Variants in MYOM1 observed in about 807,000 individuals in gnomAD.
MYOM1 encodes the protein myomesin 1.
Under a neutral mutation model 205.3 loss-of-function variants are expected in MYOM1, and 164 were observed. The observed-to-expected ratio is 0.80, with a 90% confidence interval of 0.70 to 0.91. The LOEUF is 0.91. MYOM1 is among the 40% of genes least tolerant of loss of function. MYOM1 has a pLI of 0.00. For synonymous variants in MYOM1, 772 were observed against 789.4 expected (o/e 0.98, Z 0.37); for missense variants, 2,011 against 2,127.3 (o/e 0.95, Z 1.08).
chr18:3,136,427 T>C (rs1032336173), intron 14 of MYOM1, among the ~76,000 whole-genome samples: 2 of 152,156 alleles, frequency 1.3e-5, no homozygotes, highest in East Asian at 3.9e-4. Flanking sequence ...AATTAAATTT[T>C]ATTTTATTTT....
At chr18:3,170,918 C>T (rs1402922462) in intron 8 of MYOM1, among the ~76,000 whole-genome samples, 3 of 152,204 alleles carry the variant, frequency 2.0e-5, no homozygotes, top group Non-Finnish European at 4.4e-5. Flanking sequence ...TTTTGTCCCT[C>T]TTCCTAAGAC....
chr18:3,076,266 C>G (rs1201103732), intron 34 of MYOM1, among the ~76,000 whole-genome samples: 1 of 152,096 alleles, frequency 6.6e-6, no homozygotes, highest in Non-Finnish European at 1.5e-5. Flanking sequence ...CGGGGTTTCA[C>G]CATTTTGGGC....
At chr18:3,115,014 C>T (rs117815674) in intron 21 of MYOM1, among the ~76,000 whole-genome samples, 1 of 151,874 alleles carries the variant, frequency 6.6e-6, no homozygotes, top group South Asian at 2.1e-4. Flanking sequence ...TCAGTTCAAA[C>T]CTCAGGCCCT....
At chr18:3,168,460 C>T (rs1205866278) in intron 9 of MYOM1, among the ~76,000 whole-genome samples, 1 of 151,944 alleles carries the variant, frequency 6.6e-6, no homozygotes, top group East Asian at 1.9e-4. Context: ...GGCTAATTTT[C>T]GTATTTTTAG....
chr18:3,239,750 T>C, the MYOM1 span, among the ~76,000 whole-genome samples: 581 of 120,544 alleles, frequency 4.8e-3, 9 homozygotes, highest in African/African-American at 0.02. Context: ...CAGCAACACC[T>C]TGTCTCAAAA....
chr18:3,100,341 T>C lies in MYOM1; in HGVS notation c.3661A>G (p.Ser1221Gly). ...DVTDTDGIAS[S>G]YLIDEEELKR... ...TTACCTTCCTCATCTATTAAGTAGC[T>C]TGATGCTATTCCATCAGTGTCTGTT... is the stretch of plus-strand genomic sequence containing the variant. Residue 1221 changes from serine (S) to glycine (G), a missense_variant, in exon 24 of 38, where the codon AGC becomes GGC. Transcript: ENST00000356443. 1 of 1,613,900 alleles carries C rather than the reference T, an allele frequency of 6.2e-7. No individual in the cohort carries two copies. Among genetic ancestry groups the C allele is most frequent in the Non-Finnish European group, 8.5e-7 (1 of 1,179,794 alleles).
At chr18:3,095,634 G>T (rs1012951001) in intron 25 of MYOM1, among the ~76,000 whole-genome samples, 2 of 152,168 alleles carry the variant, frequency 1.3e-5, no homozygotes, top group African/African-American at 4.8e-5. Flanking sequence ...GTGAATAGTG[G>T]TCTGTGTTCA....
intron 34 of MYOM1, among the ~76,000 whole-genome samples, chr18:3,076,359 C>T (rs950221823): frequency 1.3e-5 from 2 of 152,286 alleles, no homozygotes; most frequent in East Asian, 1.9e-4. Context: ...TGAGCCACTG[C>T]GCCCAGCCAT....
rs756011478 is a variant in MYOM1 at position 3,090,800 on chromosome 18, T to C, written c.3867A>G (p.Lys1289=). 6.2e-7 allele frequency: 1 copy of C among 1,613,908 alleles called. No individual in the cohort carries two copies. Among genetic ancestry groups the C allele is most frequent in the Admixed American group, 1.7e-5 (1 of 60,010 alleles). The part of the protein sequence containing the change: ...FNEKEIFEGP[K]YKMHIDRNTG... The stretch of plus-strand genomic sequence containing the variant: ...TGTTTCGGTCAATATGCATTTTATA[T>C]TTCTTCAGTGTGAAAAGAAAATGAC... Residue 1289 remains lysine, a splice_region_variant and synonymous_variant, in exon 27 of 38, where the codon AAA becomes AAG. Coordinates refer to ENST00000356443, the MANE Select transcript of MYOM1 (RefSeq NM_003803.4).
At chr18:3,138,539 T>G (rs2080004136) in intron 14 of MYOM1, among the ~76,000 whole-genome samples, 1 of 152,204 alleles carries the variant, frequency 6.6e-6, no homozygotes, top group South Asian at 2.1e-4. Context: ...TTCCTTGCAG[T>G]GTTTTTTATG....
chr18:3,088,267 G>A (rs942463041), intron 29 of MYOM1, among the ~76,000 whole-genome samples: 5 of 152,164 alleles, frequency 3.3e-5, no homozygotes, highest in South Asian at 4.1e-4. Context: ...GAGGGGCCAC[G>A]CAAATGAAGA....
chr18:3,183,117 CAG>C (rs764577130), intron 5 of MYOM1, among the ~76,000 whole-genome samples: 1 of 152,054 alleles, frequency 6.6e-6, no homozygotes, highest in East Asian at 1.9e-4. Flanking sequence ...TTAGTAGAGA[CAG>C]GGTCTCTCCA....
chr18:3,116,936 A>G (rs943731101), intron 20 of MYOM1, among the ~76,000 whole-genome samples: 1 of 152,152 alleles, frequency 6.6e-6, no homozygotes, highest in Non-Finnish European at 1.5e-5. Flanking sequence ...AGCTCACTGT[A>G]ACCTCGAGCT....
intron 5 of MYOM1, among the ~76,000 whole-genome samples, chr18:3,186,110 T>A (rs1477350333): frequency 6.6e-6 from 1 of 151,926 alleles, no homozygotes; most frequent in Non-Finnish European, 1.5e-5. Flanking sequence ...GCAGGAGAAT[T>A]GCTTGAACCC....
At chr18:3,166,277 T>TTA (rs1555625815) in intron 9 of MYOM1, among the ~76,000 whole-genome samples, 12 of 145,952 alleles carry the variant, frequency 8.2e-5, no homozygotes, top group South Asian at 4.4e-4. Flanking sequence ...TTTTTTTTTT[T>TTA]TTTTTTTATT....
At position 3,100,192 on chromosome 18, in the gene MYOM1, A is replaced by AAAG; in HGVS notation, c.3693_3694insCTT (p.Leu1233dup). 1 of 1,613,976 alleles carries AAAG rather than the reference A, an allele frequency of 6.2e-7. No homozygotes were observed. The highest frequency in any genetic ancestry group is 8.5e-7 in the Non-Finnish European group (1 of 1,179,880). On this transcript the variant is annotated inframe_insertion, in exon 25 of 38. Transcript: ENST00000356443. ...TTGTGTTCATGGCTGAGAGCAAGTAAACGTTTCAATTCTGTAGGGGGAAAA... is the reference window on the plus strand; with the variant it reads ...TTGTGTTCATGGCTGAGAGCAAGTAAAAGACGTTTCAATTCTGTAGGGGGAAAA...
intron 17 of MYOM1, among the ~76,000 whole-genome samples, chr18:3,130,887 A>C (rs1598705069): frequency 1.3e-5 from 2 of 152,370 alleles, no homozygotes; most frequent in Admixed American, 6.5e-5. Flanking sequence ...CTTTGCAAGC[A>C]AAGATGAAAC....
intron 5 of MYOM1, 42 bp downstream of exon 5, chr18:3,187,438 T>C (rs768690831): frequency 6.3e-7 from 1 of 1,596,022 alleles, no homozygotes; most frequent in South Asian, 1.1e-5. Flanking sequence ...CGAACTTAAC[T>C]TGGTGTAATG....
At chr18:3,196,670 C>A (rs549189072) in intron 2 of MYOM1, among the ~76,000 whole-genome samples, 43 of 152,258 alleles carry the variant, frequency 2.8e-4, no homozygotes, top group African/African-American at 1.0e-3. Context: ...TACTCCCCCA[C>A]CAATTATGCT....
Sources: allele counts gnomAD v4.1 joint callset (sites outside exome capture counted in the v4.1 genomes callset), GRCh38; gene constraint gnomAD v4.1.1; transcripts MANE v1.5; gene names NCBI Gene and HGNC (gene_info 2026-07-23, HGNC 2026-07-21).